The following FSTL4 variants were observed in gnomAD, a reference collection of about 807,000 sequenced individuals.
FSTL4 encodes follistatin-related protein 4.
FSTL4 carries 28 observed loss-of-function variants against 78.2 expected under a neutral mutation model. That is an observed-to-expected ratio of 0.36 (90% confidence interval 0.27 to 0.49). The LOEUF (loss-of-function observed/expected upper bound fraction) is 0.49, where lower values mean the gene tolerates loss of function less well. Ranked by LOEUF, FSTL4 falls within the 20% of genes least tolerant of loss-of-function variation. FSTL4 has a pLI of 0.98. For synonymous variants in FSTL4, 422 were observed against 440.5 expected (o/e 0.96, Z 0.53); for missense variants, 922 against 1,084.9 (o/e 0.85, Z 2.11).
At chr5:133,248,995 C>A (rs1345050722) in intron 7 of FSTL4, among the ~76,000 whole-genome samples, 1 of 152,206 alleles carries the variant, frequency 6.6e-6, no homozygotes, top group East Asian at 1.9e-4. Context: ...CACTAGGGCC[C>A]AGAACCTCCT....
chr5:133,574,596 G>C (rs1180269056), intron 2 of FSTL4, among the ~76,000 whole-genome samples: 1 of 152,170 alleles, frequency 6.6e-6, no homozygotes, highest in Non-Finnish European at 1.5e-5. Flanking sequence ...TAACTCCTAA[G>C]TAAATGTCCA....
chr5:133,294,518 C>T (rs1383325734), intron 6 of FSTL4, among the ~76,000 whole-genome samples: 3 of 152,228 alleles, frequency 2.0e-5, no homozygotes, highest in African/African-American at 7.2e-5. Flanking sequence ...TGCCCCACCC[C>T]ATTTCCTGTG....
At chr5:133,244,287 C>T (rs934570363) in intron 7 of FSTL4, 2 of 152,480 alleles carry the variant, frequency 1.3e-5, no homozygotes, top group Non-Finnish European at 2.9e-5. Flanking sequence ...AGGCACACTC[C>T]TGGGGGCCGC....
intron 14 of FSTL4, among the ~76,000 whole-genome samples, chr5:133,204,418 G>A (rs1178509504): frequency 3.3e-5 from 5 of 152,130 alleles, no homozygotes; most frequent in Non-Finnish European, 7.4e-5. Context: ...TACAAACAAT[G>A]CAGTAACAAA....
At chr5:133,523,527 C>G (rs1759028131) in intron 3 of FSTL4, among the ~76,000 whole-genome samples, 1 of 152,242 alleles carries the variant, frequency 6.6e-6, no homozygotes, top group Admixed American at 6.5e-5. Context: ...CTGAACCAGT[C>G]AGACCTGGGC....
At chr5:133,530,802 T>C (rs1476394169) in intron 3 of FSTL4, among the ~76,000 whole-genome samples, 1 of 152,176 alleles carries the variant, frequency 6.6e-6, no homozygotes, top group East Asian at 1.9e-4. Flanking sequence ...AACTAAGGGC[T>C]ATACCCAGGC....
At chr5:133,524,719 A>G (rs1295318029) in intron 3 of FSTL4, among the ~76,000 whole-genome samples, 1 of 152,152 alleles carries the variant, frequency 6.6e-6, no homozygotes, top group Non-Finnish European at 1.5e-5. Context: ...CAGTGATTCA[A>G]ACGTATAGCG....
chr5:133,349,295 C>CTCTCTGTGTGTGTG (rs11269337), intron 4 of FSTL4, among the ~76,000 whole-genome samples: 115 of 139,760 alleles, frequency 8.2e-4, no homozygotes, highest in East Asian at 3.6e-3. Flanking sequence ...GCCTCTCTCT[C>CTCTCTGTGTGTGTG]TGTGTGTGTG....
chr5:133,509,964 G>T (rs887463879), intron 3 of FSTL4, among the ~76,000 whole-genome samples: 1 of 152,232 alleles, frequency 6.6e-6, no homozygotes, highest in Non-Finnish European at 1.5e-5. Flanking sequence ...TCTGGTTTCC[G>T]ATATGGAGTG....
chr5:133,717,607 A>T, the FSTL4 span, among the ~76,000 whole-genome samples: 1 of 152,238 alleles, frequency 6.6e-6, no homozygotes, highest in Non-Finnish European at 1.5e-5. Context: ...GGCAAACAAT[A>T]ATCTGCTTTC....
chr5:133,259,200 G>C (rs571538634), intron 6 of FSTL4, among the ~76,000 whole-genome samples: 85 of 150,716 alleles, frequency 5.6e-4, no homozygotes, highest in Non-Finnish European at 9.3e-4. Context: ...GTGCTGGTGT[G>C]GCGGAAAGCC....
chr5:133,328,343 C>A (rs1353324189), intron 4 of FSTL4, among the ~76,000 whole-genome samples: 3 of 152,180 alleles, frequency 2.0e-5, no homozygotes, highest in African/African-American at 7.2e-5. Flanking sequence ...CTTATGAATG[C>A]CTGGTTCAAT....
At chr5:133,746,696 A>C in the FSTL4 span, among the ~76,000 whole-genome samples, 3,202 of 152,302 alleles carry the variant, frequency 0.021, 120 homozygotes, top group African/African-American at 0.074. Context: ...TGCAAAAAAG[A>C]CATTGCCACT....
chr5:133,499,988 C>A (rs556246741), intron 3 of FSTL4, among the ~76,000 whole-genome samples: 2 of 152,262 alleles, frequency 1.3e-5, no homozygotes, highest in Non-Finnish European at 2.9e-5. Context: ...CTTTTTATCA[C>A]CTCTCATGGG....
chr5:133,457,661 G>A (rs749461549), intron 3 of FSTL4: 1 of 152,236 alleles, frequency 6.6e-6, no homozygotes, highest in Non-Finnish European at 1.5e-5. Context: ...AGCTGCCTGT[G>A]TCATTTGCAC....
intron 6 of FSTL4, 134 bp downstream of exon 6, chr5:133,312,520 C>T: frequency 1.3e-6 from 1 of 744,580 alleles, no homozygotes; most frequent in East Asian, 2.5e-5. Context: ...TGTTGCAGAA[C>T]AAATTCACCA....
At chr5:133,238,771 A>C (rs1310315060) in intron 7 of FSTL4, among the ~76,000 whole-genome samples, 1 of 152,230 alleles carries the variant, frequency 6.6e-6, no homozygotes, top group Non-Finnish European at 1.5e-5. Flanking sequence ...ACCAACACTG[A>C]GGTTACGGCG....
At chr5:133,591,556 C>T (rs1301582106) in intron 2 of FSTL4, among the ~76,000 whole-genome samples, 1 of 152,134 alleles carries the variant, frequency 6.6e-6, no homozygotes, top group African/African-American at 2.4e-5. Context: ...CTCAGAGCCC[C>T]TGGAGGGCCC....
chr5:133,345,779 T>C (rs1261598516), intron 4 of FSTL4, among the ~76,000 whole-genome samples: 8 of 152,240 alleles, frequency 5.3e-5, no homozygotes, highest in East Asian at 1.9e-4. Context: ...GGAACGTTTT[T>C]ACACTGTTGG....
Sources: gnomAD v4.1 joint callset for allele counts (sites outside exome capture counted in the v4.1 genomes callset) on GRCh38, gnomAD v4.1.1 for gene constraint, MANE v1.5 for transcripts, NCBI Gene and HGNC (gene_info 2026-07-23, HGNC 2026-07-21) for gene names.